NCKAP5: variants seen among roughly 807,000 people sequenced by gnomAD.
NCKAP5 encodes nck-associated protein 5.
A neutral mutation model predicts 167.0 loss-of-function variants in NCKAP5; 92 were observed. The observed-to-expected ratio is 0.55, with a 90% CI of 0.47 to 0.66. NCKAP5 has a LOEUF of 0.66. Among genes scored for constraint, NCKAP5 ranks in the 30% least tolerant of loss-of-function variants. NCKAP5 has a pLI of 0.00. For synonymous variants in NCKAP5, 891 were observed against 877.4 expected, an observed-to-expected ratio of 1.02 and a Z score of -0.27; for missense variants, 2,378 against 2,315.0, an observed-to-expected ratio of 1.03 and a Z score of -0.56.
intron 3 of NCKAP5, among the ~76,000 whole-genome samples, chr2:133,413,696 A>G (rs1395503062): frequency 6.6e-6 from 1 of 152,180 alleles, no homozygotes; most frequent in Non-Finnish European, 1.5e-5. Flanking sequence ...AGAAGTTGGA[A>G]GATCCGGCAA....
At chr2:133,371,103 A>G (rs1351714008) in intron 3 of NCKAP5, among the ~76,000 whole-genome samples, 1 of 152,214 alleles carries the variant, frequency 6.6e-6, no homozygotes, top group Non-Finnish European at 1.5e-5. Flanking sequence ...GTCTACAAAC[A>G]TCTATGTGTG....
intron 9 of NCKAP5, among the ~76,000 whole-genome samples, chr2:132,874,310 A>G (rs553487379): frequency 5.1e-4 from 77 of 152,106 alleles, no homozygotes; most frequent in African/African-American, 1.7e-3. Context: ...AGGTTTCACT[A>G]TGTTGGCTAG....
intron 3 of NCKAP5, among the ~76,000 whole-genome samples, chr2:133,441,221 C>T (rs1690837695): frequency 6.6e-6 from 1 of 152,140 alleles, no homozygotes; most frequent in Admixed American, 6.5e-5. Flanking sequence ...AATATATGTT[C>T]TGTCATAAGG....
intron 11 of NCKAP5, among the ~76,000 whole-genome samples, chr2:132,818,251 C>G (rs1232748310): frequency 2.0e-5 from 3 of 152,218 alleles, no homozygotes; most frequent in Non-Finnish European, 2.9e-5. Flanking sequence ...GGTGTGACAC[C>G]ATACCCAGCC....
chr2:132,909,059 A>G (rs1694228149), intron 8 of NCKAP5, among the ~76,000 whole-genome samples: 1 of 152,216 alleles, frequency 6.6e-6, no homozygotes, highest in Non-Finnish European at 1.5e-5. Flanking sequence ...TAAAAAAGAA[A>G]ATACTGGCCA....
chr2:132,989,820 A>G (rs781098841), intron 7 of NCKAP5, among the ~76,000 whole-genome samples: 6 of 152,186 alleles, frequency 3.9e-5, no homozygotes, highest in Non-Finnish European at 8.8e-5. Context: ...TTGCGAGTTC[A>G]TCCTCAAAAG....
At chr2:132,789,995 G>A in intron 13 of NCKAP5, 28 bp downstream of exon 13, 1 of 1,582,612 alleles carries the variant, frequency 6.3e-7, no homozygotes, top group Non-Finnish European at 8.6e-7. Flanking sequence ...ATTCTTTTCT[G>A]GTTCATTCCG....
chr2:132,960,858 C>T (rs2076490456), intron 8 of NCKAP5, among the ~76,000 whole-genome samples: 4 of 152,204 alleles, frequency 2.6e-5, no homozygotes, highest in Admixed American at 2.6e-4. Flanking sequence ...TGTCCACCAC[C>T]CTGAAAATCA....
intron 4 of NCKAP5, among the ~76,000 whole-genome samples, chr2:133,229,736 C>A (rs921844208): frequency 6.6e-6 from 1 of 152,160 alleles, no homozygotes; most frequent in African/African-American, 2.4e-5. Flanking sequence ...TAATGCTATG[C>A]TAGCAACATG....
chr2:132,720,158 A>G (rs1158534342), intron 19 of NCKAP5, among the ~76,000 whole-genome samples: 2 of 152,130 alleles, frequency 1.3e-5, no homozygotes, highest in Non-Finnish European at 2.9e-5. Context: ...TCCCCCGCAC[A>G]TGCCTTCTCT....
chr2:132,737,407 C>G (rs1226591362), intron 16 of NCKAP5, among the ~76,000 whole-genome samples: 4 of 152,166 alleles, frequency 2.6e-5, no homozygotes, highest in Non-Finnish European at 5.9e-5. Context: ...GTTAAGACTG[C>G]TTGGGGCAGA....
At chr2:133,222,652 C>G (rs1429150622) in intron 4 of NCKAP5, among the ~76,000 whole-genome samples, 1 of 140,390 alleles carries the variant, frequency 7.1e-6, no homozygotes, top group Non-Finnish European at 1.6e-5. Flanking sequence ...CCGTGGATCT[C>G]TAAAAAGGTC....
chr2:132,751,874 G>A (rs1346521456), intron 16 of NCKAP5, among the ~76,000 whole-genome samples: 1 of 152,190 alleles, frequency 6.6e-6, no homozygotes, highest in Non-Finnish European at 1.5e-5. Flanking sequence ...GGAAGACCTA[G>A]TGCAAATTCA....
intron 8 of NCKAP5, among the ~76,000 whole-genome samples, chr2:132,909,509 C>T (rs546802517): frequency 5.9e-4 from 90 of 152,248 alleles, no homozygotes; most frequent in Middle Eastern, 6.8e-3. Context: ...AAAATGAAGA[C>T]GGTATTATCT....
chr2:133,649,984 A>G, the NCKAP5 span, among the ~76,000 whole-genome samples: 4 of 152,180 alleles, frequency 2.6e-5, no homozygotes, highest in Non-Finnish European at 2.9e-5. Context: ...AAATAAATAA[A>G]TAAAACTGTT....
At chr2:132,736,610 C>T (rs1181448510) in intron 16 of NCKAP5, among the ~76,000 whole-genome samples, 1 of 148,300 alleles carries the variant, frequency 6.7e-6, no homozygotes. Context: ...GAAACCCCAT[C>T]TCTACTAAAA....
the NCKAP5 span, among the ~76,000 whole-genome samples, chr2:133,576,146 G>C: frequency 6.6e-6 from 1 of 152,228 alleles, no homozygotes; most frequent in Non-Finnish European, 1.5e-5. Flanking sequence ...GGGTGATGAG[G>C]AAGTGGGAAG....
intron 3 of NCKAP5, among the ~76,000 whole-genome samples, chr2:133,513,808 C>T (rs1184079482): frequency 6.6e-6 from 1 of 151,890 alleles, no homozygotes; most frequent in African/African-American, 2.4e-5. Context: ...CATACTGTTA[C>T]TCTCATCTGT....
intron 11 of NCKAP5, among the ~76,000 whole-genome samples, chr2:132,847,328 C>T (rs973585869): frequency 3.9e-5 from 6 of 152,102 alleles, no homozygotes; most frequent in Non-Finnish European, 7.4e-5. Flanking sequence ...CTAAAATATA[C>T]ACACACAACA....
Sources: allele counts gnomAD v4.1 joint callset (sites outside exome capture counted in the v4.1 genomes callset), GRCh38; gene constraint gnomAD v4.1.1; transcripts MANE v1.5; gene names NCBI Gene and HGNC (gene_info 2026-07-23, HGNC 2026-07-21).